SHANK2: variants seen among roughly 807,000 people sequenced by gnomAD.
The protein encoded by SHANK2 is SH3 and multiple ankyrin repeat domains 2.
Under a neutral mutation model 133.7 loss-of-function variants are expected in SHANK2, and 43 were observed. That is an observed-to-expected ratio of 0.32 (90% CI 0.25 to 0.41). The LOEUF (loss-of-function observed/expected upper bound fraction) is 0.41, where lower values mean the gene tolerates loss of function less well. Among genes scored for constraint, SHANK2 ranks in the 10% least tolerant of loss-of-function variants. SHANK2 has a pLI of 1.00. For synonymous variants in SHANK2, 1,017 were observed against 952.8 expected, an observed-to-expected ratio of 1.07 and a Z score of -1.24; for missense variants, 1,994 against 2,235.8, an observed-to-expected ratio of 0.89 and a Z score of 2.18.
chr11:71,065,840 C>A (rs1951048052), intron 9 of SHANK2, among the ~76,000 whole-genome samples: 1 of 95,586 alleles, frequency 1.0e-5, no homozygotes, highest in Admixed American at 1.4e-4. Flanking sequence ...GCGGGGCATA[C>A]AGAACTCTCC....
intron 10 of SHANK2, among the ~76,000 whole-genome samples, chr11:70,919,741 C>G (rs1950321506): frequency 6.6e-6 from 1 of 152,188 alleles, no homozygotes; most frequent in African/African-American, 2.4e-5. Context: ...CAACACCACC[C>G]CAGCCCTCTC....
intron 14 of SHANK2, among the ~76,000 whole-genome samples, chr11:70,727,750 G>A (rs1035117056): frequency 5.9e-5 from 9 of 152,182 alleles, no homozygotes; most frequent in African/African-American, 1.4e-4. Context: ...CCAAGGTCCC[G>A]GGTTGGGGGC....
chr11:70,802,911 G>A (rs1386283914), intron 13 of SHANK2, among the ~76,000 whole-genome samples: 1 of 152,188 alleles, frequency 6.6e-6, no homozygotes, highest in Non-Finnish European at 1.5e-5. Flanking sequence ...ACCCTCAGGG[G>A]TTCACTGTGT....
intron 11 of SHANK2, chr11:70,863,823 A>G (rs373204035): frequency 1.1e-5 from 5 of 457,716 alleles, no homozygotes; most frequent in African/African-American, 6.0e-5. Flanking sequence ...ACCTGGACAG[A>G]CAGGAAGAAA....
chr11:70,625,533 C>T (rs2136482012), intron 17 of SHANK2, among the ~76,000 whole-genome samples: 1 of 152,194 alleles, frequency 6.6e-6, no homozygotes, highest in African/African-American at 2.4e-5. Context: ...GACCACCTCC[C>T]AGGAGGTGAA....
intron 10 of SHANK2, among the ~76,000 whole-genome samples, chr11:70,938,711 A>G (rs1950603816): frequency 6.6e-6 from 1 of 152,152 alleles, no homozygotes. Flanking sequence ...AGGGAAGCCC[A>G]GGAGCTGAGG....
At chr11:71,094,265 G>A (rs777479376) in intron 7 of SHANK2, among the ~76,000 whole-genome samples, 1 of 152,156 alleles carries the variant, frequency 6.6e-6, no homozygotes, top group Non-Finnish European at 1.5e-5. Context: ...CTTACGGGTT[G>A]AAAAGACAAG....
chr11:70,613,671 T>C (rs1554995051), intron 17 of SHANK2, among the ~76,000 whole-genome samples: 2 of 151,942 alleles, frequency 1.3e-5, no homozygotes, highest in Admixed American at 6.6e-5. Context: ...TCATTACAGA[T>C]GTAATTAAGA....
At chr11:70,619,805 A>G (rs1175366973) in intron 17 of SHANK2, among the ~76,000 whole-genome samples, 9 of 152,016 alleles carry the variant, frequency 5.9e-5, no homozygotes, top group African/African-American at 1.9e-4. Context: ...CACAGGGAGG[A>G]GGCCTCCATA....
At chr11:70,726,857 G>A (rs1946190754) in intron 14 of SHANK2, among the ~76,000 whole-genome samples, 1 of 152,170 alleles carries the variant, frequency 6.6e-6, no homozygotes, top group African/African-American at 2.4e-5. Flanking sequence ...GCTCACCCCT[G>A]GAAGGCTGTA....
chr11:70,785,573 T>C (rs918875828), intron 14 of SHANK2, among the ~76,000 whole-genome samples: 2 of 152,186 alleles, frequency 1.3e-5, no homozygotes, highest in Admixed American at 6.5e-5. Context: ...TCCCAGTGAA[T>C]GCCACTACCT....
At chr11:71,138,882 C>T (rs1294307982) in intron 3 of SHANK2, among the ~76,000 whole-genome samples, 3 of 152,038 alleles carry the variant, frequency 2.0e-5, no homozygotes, top group Non-Finnish European at 4.4e-5. Context: ...AGGACATCCC[C>T]GTCAGCAGAT....
chr11:70,605,279 C>T (rs1337561721), intron 17 of SHANK2, among the ~76,000 whole-genome samples: 1 of 152,252 alleles, frequency 6.6e-6, no homozygotes, highest in African/African-American at 2.4e-5. Context: ...GGGGTGGGAA[C>T]ACCCAGAGTG....
Position 70,472,884 on chromosome 11 carries a change from C to G in SHANK2, c.5535G>C (p.Gln1845His), listed in dbSNP as rs2058613173. The change falls in exon 26 of 26, where the codon CAG becomes CAC. Residue 1845 changes from glutamine to histidine, a missense_variant. Gln to His is a conservative substitution (Grantham distance 24, BLOSUM62 0). Coordinates refer to ENST00000601538, the MANE Select transcript of SHANK2 (RefSeq NM_012309.5). This position sits in a 1 kb window ranked among gnomAD's most constrained non-coding sequence, Gnocchi z 4.4. ...GCAGCCGTCCTTATCTGTCCAGCAG[C>G]TGTTTCAAAGCCCTTTCTATGTTCA... is the stretch of plus-strand genomic sequence containing the variant. ...HRMNIERALK[Q>H]LLDR 6.2e-7 allele frequency: 1 copy of G among 1,614,126 alleles called. No individual in the cohort carries two copies. The highest frequency in any genetic ancestry group is 1.3e-5 in the African/African-American group (1 of 74,952).
intron 22 of SHANK2, 113 bp downstream of exon 22, chr11:70,492,222 G>A: frequency 6.6e-7 from 1 of 1,507,130 alleles, no homozygotes; most frequent in East Asian, 2.3e-5. Flanking sequence ...CCCCACCTCT[G>A]GACAGCACGA....
chr11:71,136,454 C>T (rs1419445220), intron 3 of SHANK2, among the ~76,000 whole-genome samples: 2 of 152,142 alleles, frequency 1.3e-5, no homozygotes. Flanking sequence ...TGCAGGAATG[C>T]AGAGCGTGGA....
chr11:70,485,661 G>T lies in SHANK2; in HGVS notation c.4632C>A (p.Pro1544=), dbSNP rs1195397691. The change falls in exon 25 of 26, where the codon CCC becomes CCA. Residue 1544 remains proline, a synonymous_variant. Transcript: ENST00000601538. The surrounding 1 kb of genome is among the most constrained non-coding windows in gnomAD (Gnocchi z 5.8). ...TCATTTTTGGCTTAGGAGGTACTGG[G>T]GGTTTGTCAACCATAAATGCTTGCC... ...ADGQAFMVDK[P]PVPPKPKMKP... 6.2e-7 allele frequency: 1 copy of T among 1,614,090 alleles called. No homozygotes were observed. Among genetic ancestry groups the T allele is most frequent in the Admixed American group, 1.7e-5 (1 of 60,026 alleles).
intron 2 of SHANK2, among the ~76,000 whole-genome samples, chr11:71,210,868 T>C (rs1254278414): frequency 2.0e-5 from 3 of 151,988 alleles, no homozygotes; most frequent in East Asian, 1.9e-4. Context: ...TTGGGGGCAG[T>C]GAAGAGAGTG....
At chr11:70,713,412 C>A (rs1425265382) in intron 14 of SHANK2, among the ~76,000 whole-genome samples, 2 of 152,228 alleles carry the variant, frequency 1.3e-5, no homozygotes, top group African/African-American at 2.4e-5. Context: ...AGTCTTTTTG[C>A]CAAGCGTAGC....
Sources: allele counts gnomAD v4.1 joint callset (sites outside exome capture counted in the v4.1 genomes callset), GRCh38; gene constraint gnomAD v4.1.1; non-coding constraint Gnocchi (gnomAD v3.1); transcripts MANE v1.5; gene names NCBI Gene and HGNC (gene_info 2026-07-23, HGNC 2026-07-21).